Variants in EMILIN2 observed in about 807,000 individuals in gnomAD.
EMILIN2 encodes the protein elastin microfibril interfacer 2, also known as EMILIN-2.
Under a neutral mutation model 87.1 loss-of-function variants are expected in EMILIN2, and 71 were observed. That is an observed-to-expected ratio of 0.82 (90% CI 0.67 to 0.99). The LOEUF (loss-of-function observed/expected upper bound fraction) is 0.99, where lower values mean the gene tolerates loss of function less well. Among genes scored for constraint, EMILIN2 ranks in the 50% least tolerant of loss-of-function variants. The probability of loss-of-function intolerance (pLI) is 0.00; values close to 1 mark genes in which losing one functional copy is unlikely to be tolerated. For missense variants in EMILIN2, 1,407 were observed against 1,371.8 expected (o/e 1.03, Z -0.40); for synonymous variants, 581 against 563.4 (o/e 1.03, Z -0.44).
At chr18:2,912,452 C>T (rs2144081260) in intron 7 of EMILIN2, among the ~76,000 whole-genome samples, 1 of 152,320 alleles carries the variant, frequency 6.6e-6, no homozygotes, top group East Asian at 1.9e-4. Flanking sequence ...GCCATTCCTG[C>T]CGGCATTTGG....
At chr18:2,853,520 C>T (rs1057404278) in intron 2 of EMILIN2, among the ~76,000 whole-genome samples, 9 of 152,180 alleles carry the variant, frequency 5.9e-5, no homozygotes, top group African/African-American at 1.9e-4. Context: ...TTGAGGCTGA[C>T]CGCAGTGGGA....
In EMILIN2 at chr18:2,914,245, G is replaced by C. The variant is rs1223716972; in HGVS notation, c.*841G>C. 6.6e-6 allele frequency: 1 copy of C among 152,242 alleles called. No homozygotes were observed. The highest frequency in any genetic ancestry group is 1.5e-5 in the Non-Finnish European group (1 of 68,034). 9.4% of individuals were successfully genotyped at this position (152,242 alleles called of 1,614,324 possible). ...CATCCAAGCTATACACTTGGGTTTT[G>C]TTTCTGGCTTGTGAAGACGGACCAG... On this transcript the variant is annotated 3_prime_UTR_variant, in exon 8 of 8. Transcript: ENST00000254528.
In EMILIN2 at chr18:2,906,888, G is replaced by A. The variant is rs1248155832; in HGVS notation, c.2465G>A (p.Arg822Gln). The A allele has an allele frequency of 7.2e-6, 10 of 1,392,440 alleles. No homozygotes were observed. In the South Asian group the frequency reaches 1.4e-4, roughly 19 times the overall value. 86.3% of individuals were successfully genotyped at this position (1,392,440 alleles called of 1,614,324 possible). A position where few individuals can be genotyped will look rare whatever the true frequency, so the allele number is the denominator to read the frequency against. ...CCCGCAACCGCAGAGGACCCTGGGCGACGGCCCGTCCTGCCCCAGCGGCCC... is the reference window on the plus strand; with the variant it reads ...CCCGCAACCGCAGAGGACCCTGGGCAACGGCCCGTCCTGCCCCAGCGGCCC... ...SGPATAEDPG[R>Q]RPVLPQRPPE... The change falls in exon 5 of 8, where the codon CGA becomes CAA. Residue 822 changes from arginine to glutamine, a missense_variant. Coordinates refer to ENST00000254528, the MANE Select transcript of EMILIN2 (RefSeq NM_032048.3).
In EMILIN2 at chr18:2,913,107, G is replaced by A. The variant is rs776575529; in HGVS notation, c.2865G>A (p.Thr955=). The A allele has an allele frequency of 9.9e-6, 16 of 1,612,354 alleles. No individual in the cohort carries two copies. Among genetic ancestry groups the A allele is most frequent in the South Asian group, 4.4e-5 (4 of 91,072 alleles). ...TAPYDGRYLI[T]ATLTPERDAY... is the part of the protein sequence containing the mutation. ...CTTATGATGGGCGCTACCTGATCAC[G>A]GCCACCCTCACCCCCGAGAGAGACG... is the stretch of plus-strand genomic sequence containing the variant. Residue 955 remains threonine (T), a synonymous_variant, in exon 8 of 8, where the codon ACG becomes ACA. Transcript: ENST00000254528.
chr18:2,910,989 G>A (rs1397314283), intron 7 of EMILIN2, among the ~76,000 whole-genome samples: 1 of 152,206 alleles, frequency 6.6e-6, no homozygotes, highest in Non-Finnish European at 1.5e-5. Flanking sequence ...GCTCAGAGTG[G>A]CAGTGGCCTT....
Position 2,847,734 on chromosome 18 carries a change from C to G in EMILIN2, c.135-75C>G. Reference sequence around the variant, plus strand: ...CCGACCCTCGCTCGGTCTGGTGCCGCAGTCCCCTCTCCCCTGGCCTCATTG... The same window carrying G: ...CCGACCCTCGCTCGGTCTGGTGCCGGAGTCCCCTCTCCCCTGGCCTCATTG... On this transcript the variant is annotated intron_variant, in intron 1 of 7. Transcript: ENST00000254528. This position sits in a 1 kb window ranked among gnomAD's most constrained non-coding sequence, Gnocchi z 4.5. 1 of 1,545,964 alleles carries G rather than the reference C, an allele frequency of 6.5e-7. No individual in the cohort carries two copies. The highest frequency in any genetic ancestry group is 2.4e-5 in the East Asian group (1 of 42,382).
chr18:2,858,030 A>G (rs1215156238), intron 2 of EMILIN2, among the ~76,000 whole-genome samples: 1 of 152,164 alleles, frequency 6.6e-6, no homozygotes, highest in Non-Finnish European at 1.5e-5. Context: ...TGCAGGGGGA[A>G]AGCAGAAATG....
chr18:2,876,888 G>A (rs1260334608), intron 2 of EMILIN2, among the ~76,000 whole-genome samples: 1 of 152,088 alleles, frequency 6.6e-6, no homozygotes, highest in Non-Finnish European at 1.5e-5. Context: ...GAGCATTCTG[G>A]CTTTTAGAAT....
At chr18:2,859,925 C>G (rs1370511162) in intron 2 of EMILIN2, among the ~76,000 whole-genome samples, 4 of 152,164 alleles carry the variant, frequency 2.6e-5, no homozygotes, top group Non-Finnish European at 5.9e-5. Flanking sequence ...TTCCATTGGT[C>G]TATGTGCCTA....
chr18:2,893,536 A>G (rs550222163), intron 4 of EMILIN2, among the ~76,000 whole-genome samples: 2 of 152,348 alleles, frequency 1.3e-5, no homozygotes, highest in South Asian at 4.1e-4. Context: ...GAATGAATGA[A>G]TAATATATGT....
At chr18:2,902,712 C>CA (rs914908599) in intron 4 of EMILIN2, among the ~76,000 whole-genome samples, 18 of 151,926 alleles carry the variant, frequency 1.2e-4, no homozygotes, top group African/African-American at 4.1e-4. Flanking sequence ...GATTTTTGAG[C>CA]AAAAAATAAT....
Position 2,892,443 on chromosome 18 carries a change from T to A in EMILIN2, c.2316T>A (p.Ile772=). ...VQQFYSHVFQ[I]STDLQDLVKF... Reference sequence around the variant, plus strand: ...AGTTCTACAGCCACGTCTTCCAGATTTCTACTGATTTGCAAGATCTGGTCA... The same window carrying A: ...AGTTCTACAGCCACGTCTTCCAGATATCTACTGATTTGCAAGATCTGGTCA... The change falls in exon 4 of 8, where the codon ATT becomes ATA. Residue 772 remains isoleucine (I), a synonymous_variant. Coordinates refer to ENST00000254528, the MANE Select transcript of EMILIN2 (RefSeq NM_032048.3). The A allele has an allele frequency of 6.2e-7, 1 of 1,608,496 alleles. No homozygotes were observed. Among genetic ancestry groups the A allele is most frequent in the Non-Finnish European group, 8.5e-7 (1 of 1,176,234 alleles).
At position 2,880,671 on chromosome 18, in the gene EMILIN2, C is replaced by T. The variant is rs2076772794; in HGVS notation, c.258-4293C>T. Among the ~76,000 whole-genome samples, 2 of 152,248 alleles carry T rather than the reference C, an allele frequency of 1.3e-5. No individual in the cohort carries two copies. Among genetic ancestry groups the T allele is most frequent in the African/African-American group, 4.8e-5 (2 of 41,470 alleles). ...CTGCGGGTCCCTCGGCTTGGCCACCCCCACACTGCAGTTAGTTGACTGATT... is the reference window on the plus strand; with the variant it reads ...CTGCGGGTCCCTCGGCTTGGCCACCTCCACACTGCAGTTAGTTGACTGATT... On this transcript the variant is annotated intron_variant, in intron 2 of 7. Coordinates refer to ENST00000254528, the MANE Select transcript of EMILIN2 (RefSeq NM_032048.3). The surrounding 1 kb of genome is among the most constrained non-coding windows in gnomAD (Gnocchi z 4.1).
intron 2 of EMILIN2, among the ~76,000 whole-genome samples, chr18:2,882,482 G>A (rs1397694910): frequency 1.3e-5 from 2 of 152,206 alleles, no homozygotes; most frequent in Admixed American, 1.3e-4. Flanking sequence ...GCCGGGTGTG[G>A]TGGCTCATGC....
intron 4 of EMILIN2, 111 bp from the exon 5 acceptor site, chr18:2,906,672 G>A: frequency 1.2e-6 from 1 of 862,638 alleles, no homozygotes; most frequent in Non-Finnish European, 1.5e-6. Context: ...GGTGGCCGCA[G>A]AGTCCTCACG....
chr18:2,861,168 TC>T (rs2076659296), intron 2 of EMILIN2, among the ~76,000 whole-genome samples: 2 of 152,242 alleles, frequency 1.3e-5, no homozygotes, highest in Non-Finnish European at 2.9e-5. Flanking sequence ...AAAAATGTTC[TC>T]CCATTCTGTA....
At position 2,889,692 on chromosome 18, in the gene EMILIN2, C is replaced by CTTTT. The variant is rs34248672; in HGVS notation, c.434-850_434-847dup. Among the ~76,000 whole-genome samples the CTTTT allele has an allele frequency of 9.7e-4, 94 of 96,596 alleles. 1 individual carries two copies. Among genetic ancestry groups the CTTTT allele is most frequent in the African/African-American group, 2.0e-3 (50 of 24,600 alleles). The allele number at this position is 96,596 out of a possible 152,430, so 63.4% of individuals were successfully genotyped here. A position where few individuals can be genotyped will look rare whatever the true frequency, so the allele number is the denominator to read the frequency against. ...TGCATTCTTCTTCTTTTTTTCTTTTCTTTTTTTTTTTTTTTTTTTTTTAAA... is the reference window on the plus strand; with the variant it reads ...TGCATTCTTCTTCTTTTTTTCTTTTCTTTTTTTTTTTTTTTTTTTTTTTTTTAAA... On this transcript the variant is annotated intron_variant, in intron 3 of 7. Coordinates refer to ENST00000254528, the MANE Select transcript of EMILIN2 (RefSeq NM_032048.3).
intron 7 of EMILIN2, among the ~76,000 whole-genome samples, chr18:2,910,417 C>A (rs929901622): frequency 6.6e-6 from 1 of 152,174 alleles, no homozygotes; most frequent in Non-Finnish European, 1.5e-5. Context: ...GTGGAGTTTA[C>A]CTCCGAGTTC....
At chr18:2,870,234 CAAAAG>C (rs1203738636) in intron 2 of EMILIN2, among the ~76,000 whole-genome samples, 2 of 151,896 alleles carry the variant, frequency 1.3e-5, no homozygotes, top group Non-Finnish European at 2.9e-5. Context: ...GACCCTGTCT[CAAAAG>C]AAATAAGTAA....
Sources: gnomAD v4.1 joint callset for allele counts (sites outside exome capture counted in the v4.1 genomes callset) on GRCh38, gnomAD v4.1.1 for gene constraint, Gnocchi (gnomAD v3.1) non-coding constraint, MANE v1.5 for transcripts, NCBI Gene and HGNC (gene_info 2026-07-23, HGNC 2026-07-21) for gene names.